The following SETX variants were observed in gnomAD, a reference collection of about 807,000 sequenced individuals.
SETX encodes senataxin.
SETX carries 90 observed loss-of-function variants against 227.2 expected under a neutral mutation model. The ratio of observed to expected loss-of-function variants is 0.40; its 90% CI spans 0.33 to 0.47. The LOEUF (loss-of-function observed/expected upper bound fraction) is 0.47. Ranked by LOEUF, SETX falls within the 20% of genes least tolerant of loss-of-function variation. SETX has a pLI of 0.91. For synonymous variants in SETX, 1,210 were observed against 1,113.2 expected (o/e 1.09, Z -1.73); for missense variants, 3,052 against 3,181.5 (o/e 0.96, Z 0.98).
chr9:132,287,809 ATTT>A (rs2131243294), intron 17 of SETX, among the ~76,000 whole-genome samples: 1 of 151,782 alleles, frequency 6.6e-6, no homozygotes, highest in South Asian at 2.1e-4. Flanking sequence ...TCTGAGACAC[ATTT>A]TTAGTGTCTT....
chr9:132,268,282 G>A (rs1842739190), intron 25 of SETX, among the ~76,000 whole-genome samples: 1 of 152,214 alleles, frequency 6.6e-6, no homozygotes, highest in Non-Finnish European at 1.5e-5. Flanking sequence ...TTTAGGCCGA[G>A]GTGGGATGAC....
intron 22 of SETX, among the ~76,000 whole-genome samples, chr9:132,276,033 C>G (rs2131170622): frequency 6.6e-6 from 1 of 152,232 alleles, no homozygotes; most frequent in Non-Finnish European, 1.5e-5. Flanking sequence ...ACTCTCAACC[C>G]CTCCTGAAAA....
chr9:132,316,300 CCT>C (rs1483767893), intron 10 of SETX, among the ~76,000 whole-genome samples: 1 of 152,112 alleles, frequency 6.6e-6, no homozygotes, highest in Admixed American at 6.6e-5. Context: ...TACTGATTTC[CCT>C]GTTTTTTGCT....
In SETX at chr9:132,283,303, C is replaced by T. The variant is rs34073320; in HGVS notation, c.6507G>A (p.Gly2169=). 0.019 allele frequency: 30,241 copies of T among 1,614,160 alleles called. 332 individuals carry two copies. Among genetic ancestry groups the T allele is most frequent in the Middle Eastern group, 0.023 (137 of 6,062 alleles). Residue 2169 remains glycine, a synonymous_variant, in exon 19 of 26, where the codon GGG becomes GGA. Transcript: ENST00000224140. ...CACAGCTGAAGGGGACACCCCCTTG[C>T]CCACGGAAAGCAGACTCAAGTAGTA... is the stretch of plus-strand genomic sequence containing the variant. The part of the protein sequence containing the change: ...GGLLLESAFR[G]QGGVPFSCVI...
intron 22 of SETX, 53 bp from the exon 23 acceptor site, chr9:132,275,473 A>G: frequency 6.8e-7 from 1 of 1,466,640 alleles, no homozygotes; most frequent in East Asian, 2.3e-5. Flanking sequence ...ATAGCAGGCT[A>G]ATTGCTAACT....
Position 132,354,713 on chromosome 9 carries a change from G to A in SETX, c.-115+204C>T, listed in dbSNP as rs517076. 0.69 allele frequency among the ~76,000 whole-genome samples: 105,019 copies of A among 151,752 alleles called. 39,147 individuals carry two copies. Among genetic ancestry groups the A allele is most frequent in the Non-Finnish European group, 0.84 (56,728 of 67,870 alleles). ...CGCAGCGGCCGGGTCCAGCGCGCAG[G>A]AAGGCAACAGGCGGCCGCCAGCCGT... On this transcript the variant is annotated intron_variant, in intron 1 of 25. Transcript: ENST00000224140.
At position 132,262,531 on chromosome 9, in the gene SETX, C is replaced by G. The variant is rs1249151613; in HGVS notation, c.*1708G>C. 2 of 152,464 alleles carry G rather than the reference C, an allele frequency of 1.3e-5. No homozygotes were observed. The highest frequency in any genetic ancestry group is 1.3e-4 in the Admixed American group (2 of 15,270). The allele number at this position is 152,464 out of a possible 1,614,324, so 9.4% of individuals were successfully genotyped here. On this transcript the variant is annotated 3_prime_UTR_variant, in exon 26 of 26. Transcript: ENST00000224140. ...CCTACCCGTCCTGAACTGTCGCACA[C>G]TGCATGGCCAAAGACAAACTCTCCA...
Position 132,275,327 on chromosome 9 carries a change from G to A in SETX, c.7029C>T (p.Gly2343=). 6.2e-7 allele frequency: 1 copy of A among 1,613,760 alleles called. No homozygotes were observed. The highest frequency in any genetic ancestry group is 1.1e-5 in the South Asian group (1 of 91,062). The change falls in exon 23 of 26, where the codon GGC becomes GGT. Residue 2343 remains glycine (G), a synonymous_variant. Coordinates refer to ENST00000224140, the MANE Select transcript of SETX (RefSeq NM_015046.7). ...KRKDVSFRNI[G]IITHYKAQKT... is the part of the protein sequence containing the mutation. ...TCTGGGCCTTGTAATGAGTTATTAT[G>A]CCAATGTTTCGAAAACTAACATCCT...
At chr9:132,305,313 C>T (rs1845265584) in intron 11 of SETX, among the ~76,000 whole-genome samples, 1 of 137,868 alleles carries the variant, frequency 7.3e-6, no homozygotes, top group East Asian at 2.4e-4. Context: ...GAGATTGTGC[C>T]ACTGCACTCC....
chr9:132,277,679 G>A (rs1407011975), intron 21 of SETX, among the ~76,000 whole-genome samples: 1 of 151,702 alleles, frequency 6.6e-6, no homozygotes, highest in African/African-American at 2.4e-5. Flanking sequence ...AGCTACTCAG[G>A]AGGCTGAGGC....
chr9:132,283,332 C>A lies in SETX; in HGVS notation c.6478G>T (p.Gly2160Cys). 6.2e-7 allele frequency: 1 copy of A among 1,614,076 alleles called. No individual in the cohort carries two copies. Among genetic ancestry groups the A allele is most frequent in the Non-Finnish European group, 8.5e-7 (1 of 1,179,956 alleles). ...IICCTLSTSG[G>C]LLLESAFRGQ... ...CGGAAAGCAGACTCAAGTAGTAAAC[C>A]ACCACTTGTGCTCAACGTGCAGCAG... Residue 2160 changes from glycine to cysteine, a missense_variant, in exon 19 of 26, where the codon GGT (glycine) becomes TGT (cysteine). Physicochemically the swap from Gly to Cys is radical, Grantham distance 159. Coordinates refer to ENST00000224140, the MANE Select transcript of SETX (RefSeq NM_015046.7).
chr9:132,329,569 C>G lies in SETX; in HGVS notation c.2029G>C (p.Val677Leu). Residue 677 changes from valine (V) to leucine (L), a missense_variant, in exon 10 of 26, where the codon GTG becomes CTG. By Grantham distance (32) the Val-to-Leu change is conservative. Coordinates refer to ENST00000224140, the MANE Select transcript of SETX (RefSeq NM_015046.7). The part of the protein sequence containing the change: ...DNNEQNYIKD[V>L]KLEDHLLAGS... ...GCTAAGAGATGGTCCTCTAGTTTCA[C>G]ATCCTTTATATAATTTTGCTCATTA... 2 of 1,613,536 alleles carry G rather than the reference C, an allele frequency of 1.2e-6. No individual in the cohort carries two copies. Among genetic ancestry groups the G allele is most frequent in the Non-Finnish European group, 1.7e-6 (2 of 1,179,974 alleles).
At position 132,328,307 on chromosome 9, in the gene SETX, T is replaced by C. The variant is rs1223881431; in HGVS notation, c.3291A>G (p.Pro1097=). ...SEVFSVWQDH[P]DDNNSVQDGE... is the part of the protein sequence containing the mutation. ...CATCTTGAACTGAATTATTATCGTC[T>C]GGATGATCTTGCCAAACTGAAAACA... The change falls in exon 10 of 26, where the codon CCA becomes CCG. Residue 1097 remains proline, a synonymous_variant. Transcript: ENST00000224140. 6.2e-7 allele frequency: 1 copy of C among 1,613,950 alleles called. No individual in the cohort carries two copies. The highest frequency in any genetic ancestry group is 1.3e-5 in the African/African-American group (1 of 74,934).
intron 25 of SETX, chr9:132,269,341 G>T (rs1842789241): frequency 8.0e-7 from 1 of 1,246,368 alleles, no homozygotes; most frequent in Non-Finnish European, 1.1e-6. Flanking sequence ...TACATCTGTG[G>T]GTTTAATATA....
intron 7 of SETX, 49 bp downstream of exon 7, chr9:132,334,559 G>GC (rs779830362): frequency 6.2e-7 from 1 of 1,601,844 alleles, no homozygotes; most frequent in South Asian, 1.1e-5. Flanking sequence ...TTTTTAAAGT[G>GC]CATCATCATC....
intron 23 of SETX, among the ~76,000 whole-genome samples, chr9:132,272,757 TG>T (rs1194571427): frequency 6.6e-6 from 1 of 152,270 alleles, no homozygotes; most frequent in Non-Finnish European, 1.5e-5. Context: ...TGATTATTTG[TG>T]ACTGTTCCCT....
chr9:132,346,401 T>C lies in SETX; in HGVS notation c.248A>G (p.Asp83Gly). Residue 83 changes from aspartate (D) to glycine (G), a missense_variant, in exon 4 of 26, where the codon GAT becomes GGT. Coordinates refer to ENST00000224140, the MANE Select transcript of SETX (RefSeq NM_015046.7). ...GTCTACTATATATAACTCATCATCA[T>C]CTCCAATTTCTGCCTTCATGGATTT... is the stretch of plus-strand genomic sequence containing the variant. The part of the protein sequence containing the change: ...FEKSMKAEIG[D>G]DDELYIVDNN... The C allele has an allele frequency of 6.2e-7, 1 of 1,613,798 alleles. No individual in the cohort carries two copies. Among genetic ancestry groups the C allele is most frequent in the Non-Finnish European group, 8.5e-7 (1 of 1,179,766 alleles).
upstream of SETX, among the ~76,000 whole-genome samples, chr9:132,355,390 G>A (rs1356458602): frequency 6.6e-6 from 1 of 152,212 alleles, no homozygotes; most frequent in Non-Finnish European, 1.5e-5. Flanking sequence ...GATGTACTAC[G>A]GTGACGAAGT....
intron 1 of SETX, among the ~76,000 whole-genome samples, chr9:132,354,251 C>T (rs889607850): frequency 6.6e-6 from 1 of 152,134 alleles, no homozygotes; most frequent in Admixed American, 6.5e-5. Context: ...ACGAAGGGAC[C>T]GGCCGGGCGC....
Sources: allele counts gnomAD v4.1 joint callset (sites outside exome capture counted in the v4.1 genomes callset), GRCh38; gene constraint gnomAD v4.1.1; transcripts MANE v1.5; gene names NCBI Gene and HGNC (gene_info 2026-07-23, HGNC 2026-07-21).